COL8A1: variants seen among roughly 807,000 people sequenced by gnomAD.
COL8A1 encodes collagen type VIII alpha 1 chain.
Under a neutral mutation model 42.7 loss-of-function variants are expected in COL8A1, and 21 were observed. The ratio of observed to expected loss-of-function variants is 0.49; its 90% CI spans 0.35 to 0.71. The LOEUF (loss-of-function observed/expected upper bound fraction) is 0.71. COL8A1 is among the 30% of genes least tolerant of loss of function. COL8A1 has a pLI of 0.01. For missense variants in COL8A1, 788 were observed against 962.4 expected (o/e 0.82, Z 2.40); for synonymous variants, 367 against 369.1 (o/e 0.99, Z 0.06).
chr3:99,658,954 G>C (rs1436461930), intron 1 of COL8A1, among the ~76,000 whole-genome samples: 1 of 152,182 alleles, frequency 6.6e-6, no homozygotes, highest in Admixed American at 6.5e-5. Flanking sequence ...ATCCCCACTA[G>C]CTCTACTGAA....
intron 1 of COL8A1, among the ~76,000 whole-genome samples, chr3:99,659,735 C>T (rs1938140420): frequency 6.6e-6 from 1 of 152,104 alleles, no homozygotes; most frequent in South Asian, 2.1e-4. Flanking sequence ...CCTTTATGAT[C>T]ATGTCCATAA....
At chr3:99,681,868 A>C (rs1034686279) in intron 1 of COL8A1, among the ~76,000 whole-genome samples, 4 of 152,166 alleles carry the variant, frequency 2.6e-5, no homozygotes, top group Admixed American at 6.5e-5. Context: ...AAGTGTTACC[A>C]CTATTCTCAT....
At chr3:99,735,989 G>A (rs1940700273) in intron 1 of COL8A1, among the ~76,000 whole-genome samples, 2 of 151,664 alleles carry the variant, frequency 1.3e-5, no homozygotes, top group Admixed American at 1.3e-4. Context: ...TGTGGGATTG[G>A]TGGTGATATC....
At chr3:99,685,683 A>C (rs1462562269) in intron 1 of COL8A1, 3 of 152,198 alleles carry the variant, frequency 2.0e-5, no homozygotes, top group African/African-American at 7.2e-5. Flanking sequence ...CAATCCATAC[A>C]TACAGAACTT....
intron 1 of COL8A1, among the ~76,000 whole-genome samples, chr3:99,735,058 A>C (rs1025199710): frequency 6.6e-6 from 1 of 150,844 alleles, no homozygotes; most frequent in Non-Finnish European, 1.5e-5. Context: ...GGGCTGAGAT[A>C]ATGGGGTTTT....
intron 2 of COL8A1, among the ~76,000 whole-genome samples, chr3:99,774,387 T>C (rs987311027): frequency 2.6e-5 from 4 of 152,088 alleles, no homozygotes; most frequent in Admixed American, 6.6e-5. Flanking sequence ...CAGGTACTCA[T>C]AGAGATCATT....
At chr3:99,737,290 T>C (rs1007836286) in intron 1 of COL8A1, among the ~76,000 whole-genome samples, 3 of 152,180 alleles carry the variant, frequency 2.0e-5, no homozygotes, top group African/African-American at 7.2e-5. Context: ...CTGGTTATGT[T>C]GCTCATTAGT....
At chr3:99,758,217 T>C (rs1941297640) in intron 2 of COL8A1, among the ~76,000 whole-genome samples, 1 of 152,184 alleles carries the variant, frequency 6.6e-6, no homozygotes, top group African/African-American at 2.4e-5. Flanking sequence ...ATTCAAGAAC[T>C]TTTGGCAAAC....
intron 1 of COL8A1, among the ~76,000 whole-genome samples, chr3:99,720,182 C>G (rs1292322378): frequency 6.6e-6 from 1 of 152,140 alleles, no homozygotes; most frequent in Non-Finnish European, 1.5e-5. Context: ...CTCAAAATTT[C>G]TCACTTGGCT....
intron 1 of COL8A1, among the ~76,000 whole-genome samples, chr3:99,647,088 C>A (rs1248471183): frequency 6.6e-6 from 1 of 152,170 alleles, no homozygotes; most frequent in Non-Finnish European, 1.5e-5. Context: ...CAATATTAAA[C>A]ATTTTTATTC....
intron 1 of COL8A1, among the ~76,000 whole-genome samples, chr3:99,717,179 T>G (rs1156689162): frequency 4.6e-5 from 7 of 152,066 alleles, no homozygotes; most frequent in Admixed American, 4.6e-4. Context: ...AAGATAATAT[T>G]TATATGAGGG....
intron 1 of COL8A1, among the ~76,000 whole-genome samples, chr3:99,655,893 C>T (rs957189139): frequency 6.6e-6 from 1 of 151,812 alleles, no homozygotes; most frequent in South Asian, 2.1e-4. Context: ...AGTGCACTGA[C>T]AGAAGGAAGA....
intron 2 of COL8A1, among the ~76,000 whole-genome samples, chr3:99,757,965 A>G (rs958949823): frequency 6.6e-6 from 1 of 152,210 alleles, no homozygotes; most frequent in Admixed American, 6.5e-5. Flanking sequence ...AAGTGAGAAA[A>G]TAAATAGAAT....
intron 1 of COL8A1, among the ~76,000 whole-genome samples, chr3:99,657,443 A>G (rs1411744670): frequency 6.6e-6 from 1 of 152,234 alleles, no homozygotes; most frequent in Admixed American, 6.5e-5. Flanking sequence ...TTACATTTCT[A>G]AATGGCTAGC....
chr3:99,794,601 C>T lies in COL8A1; in HGVS notation c.700C>T (p.Gln234Ter). Residue 234 changes from glutamine to a stop codon, truncating the protein, a stop_gained, in exon 4 of 4, where the codon CAA (glutamine) becomes TAA (stop). Transcript: ENST00000652472. LOFTEE classifies it high-confidence loss of function. The surrounding 1 kb of genome is among the most constrained non-coding windows in gnomAD (Gnocchi z 4.3). ...DRGPKGLPGP[Q>*]GLRGPKGDKG... ...AGGACCCAAAGGACTACCAGGACCT[C>T]AAGGCCTTCGGGGTCCTAAAGGAGA... 1 of 1,613,554 alleles carries T rather than the reference C, an allele frequency of 6.2e-7. No individual in the cohort carries two copies. The highest frequency in any genetic ancestry group is 1.1e-5 in the South Asian group (1 of 91,050).
intron 1 of COL8A1, among the ~76,000 whole-genome samples, chr3:99,733,451 A>G (rs1018100568): frequency 1.4e-5 from 2 of 145,594 alleles, no homozygotes. Flanking sequence ...TTCCAATTTC[A>G]TCCATGTCCC....
chr3:99,657,955 C>T (rs570809890), intron 1 of COL8A1, among the ~76,000 whole-genome samples: 11 of 152,080 alleles, frequency 7.2e-5, no homozygotes, highest in Non-Finnish European at 1.2e-4. Context: ...GGTGAAACCA[C>T]GTCTCTACTA....
intron 2 of COL8A1, among the ~76,000 whole-genome samples, chr3:99,745,856 C>T (rs1304404808): frequency 6.6e-6 from 1 of 151,692 alleles, no homozygotes; most frequent in African/African-American, 2.4e-5. Context: ...CACAACATAC[C>T]GTCCATTTCT....
intron 1 of COL8A1, among the ~76,000 whole-genome samples, chr3:99,658,354 C>G (rs1338213641): frequency 2.0e-5 from 3 of 152,114 alleles, no homozygotes; most frequent in Non-Finnish European, 4.4e-5. Context: ...TTCTCTCCGC[C>G]CAGAACACCC....
Sources: gnomAD v4.1 joint callset for allele counts (sites outside exome capture counted in the v4.1 genomes callset) on GRCh38, gnomAD v4.1.1 for gene constraint, Gnocchi (gnomAD v3.1) non-coding constraint, MANE v1.5 for transcripts, NCBI Gene and HGNC (gene_info 2026-07-23, HGNC 2026-07-21) for gene names.